GPR183: variants seen among roughly 807,000 people sequenced by gnomAD.
GPR183 encodes EBV-induced G-protein coupled receptor 2.
A neutral mutation model predicts 19.7 loss-of-function variants in GPR183; 9 were observed. That is an observed-to-expected ratio of 0.46 (90% CI 0.28 to 0.80). The LOEUF (loss-of-function observed/expected upper bound fraction) is 0.80. GPR183 is among the 30% of genes least tolerant of loss of function. The pLI is 0.13. For missense variants in GPR183, 368 were observed against 446.7 expected, an observed-to-expected ratio of 0.82 and a Z score of 1.59; for synonymous variants, 160 against 155.1, an observed-to-expected ratio of 1.03 and a Z score of -0.24.
intron 1 of GPR183, among the ~76,000 whole-genome samples, chr13:99,296,447 CA>C (rs2044174881): frequency 6.6e-6 from 1 of 152,190 alleles, no homozygotes; most frequent in Admixed American, 6.5e-5. Flanking sequence ...TTAAATAGGG[CA>C]AACGCACTTT....
At chr13:99,304,515 T>C (rs1298991571) in intron 1 of GPR183, among the ~76,000 whole-genome samples, 1 of 152,228 alleles carries the variant, frequency 6.6e-6, no homozygotes, top group African/African-American at 2.4e-5. Flanking sequence ...ATGATCGATA[T>C]TCAATAAATA....
chr13:99,306,785 G>A (rs2044343106), intron 1 of GPR183, among the ~76,000 whole-genome samples: 1 of 151,892 alleles, frequency 6.6e-6, no homozygotes, highest in Non-Finnish European at 1.5e-5. Context: ...CATTTAAAAA[G>A]CAAAGATTGG....
chr13:99,306,401 G>T (rs2044335870), intron 1 of GPR183, among the ~76,000 whole-genome samples: 1 of 151,662 alleles, frequency 6.6e-6, no homozygotes, highest in African/African-American at 2.4e-5. Flanking sequence ...GGTAACTTGT[G>T]TGTGGGGGGG....
Position 99,295,608 on chromosome 13 carries a change from T to A in GPR183, c.538A>T (p.Thr180Ser). 1 of 1,614,148 alleles carries A rather than the reference T, an allele frequency of 6.2e-7. No homozygotes were observed. Among genetic ancestry groups the A allele is most frequent in the Non-Finnish European group, 8.5e-7 (1 of 1,180,020 alleles). The change falls in exon 2 of 2, where the codon ACA becomes TCA. Residue 180 changes from threonine to serine, a missense_variant. By Grantham distance (58) the Thr-to-Ser change is moderately conservative. Coordinates refer to ENST00000376414, the MANE Select transcript of GPR183 (RefSeq NM_004951.5). The surrounding 1 kb of genome is among the most constrained non-coding windows in gnomAD (Gnocchi z 4.1). ...TCAAAGTTTGGATACTCCATGCATG[T>A]AATCCTTTCAGCCTCCTGCTTTGAC... Reference protein sequence around the residue: ...PMSKQEAERITCMEYPNFEET... With the variant: ...PMSKQEAERISCMEYPNFEET...
chr13:99,300,495 T>A (rs1347856169), intron 1 of GPR183, among the ~76,000 whole-genome samples: 1 of 152,256 alleles, frequency 6.6e-6, no homozygotes, highest in Non-Finnish European at 1.5e-5. Context: ...TATGCGTGAC[T>A]GTTACTATCC....
chr13:99,296,174 A>AG lies in GPR183; in HGVS notation c.-18-12_-18-11insC, dbSNP rs764864531. Reference sequence around the variant, plus strand: ...TGGTGGTCCAGGTGTCTAGAAAAAAACCAAGAAGGATCATATAAGTAAAAG... The same window carrying AG: ...TGGTGGTCCAGGTGTCTAGAAAAAAAGCCAAGAAGGATCATATAAGTAAAAG... On this transcript the variant is annotated splice_polypyrimidine_tract_variant and intron_variant, in intron 1 of 1. Transcript: ENST00000376414. The AG allele has an allele frequency of 6.5e-7, 1 of 1,536,842 alleles. No individual in the cohort carries two copies. Among genetic ancestry groups the AG allele is most frequent in the East Asian group, 2.3e-5 (1 of 43,958 alleles).
In GPR183 at chr13:99,294,712, A is replaced by G. The variant is rs575912761; in HGVS notation, c.*348T>C. ...TATGTTACAGTATTAACATCTGGCA[A>G]TATATAATCTATTCAGTCCTTTCTA... On this transcript the variant is annotated 3_prime_UTR_variant, in exon 2 of 2. Coordinates refer to ENST00000376414, the MANE Select transcript of GPR183 (RefSeq NM_004951.5). 5.8e-6 allele frequency: 1 copy of G among 171,428 alleles called. No homozygotes were observed. The highest frequency in any genetic ancestry group is 1.7e-4 in the East Asian group (1 of 6,048). 10.6% of individuals were successfully genotyped at this position (171,428 alleles called of 1,614,324 possible).
At chr13:99,302,934 T>C (rs2044277999) in intron 1 of GPR183, among the ~76,000 whole-genome samples, 2 of 152,240 alleles carry the variant, frequency 1.3e-5, no homozygotes, top group Admixed American at 1.3e-4. Flanking sequence ...ATGTCCATGA[T>C]TCATTTTTTA....
Position 99,302,529 on chromosome 13 carries a change from T to G in GPR183, c.-19+4811A>C, listed in dbSNP as rs2044270991. Among the ~76,000 whole-genome samples, 3 of 152,228 alleles carry G rather than the reference T, an allele frequency of 2.0e-5. No individual in the cohort carries two copies. In the South Asian group the frequency reaches 6.2e-4, roughly 31 times the overall value. ...ATTTGTCAATTATTTGAAAACGCCT[T>G]CTTGTTCAAACAGGGGCATCTAAAT... On this transcript the variant is annotated intron_variant, in intron 1 of 1. Transcript: ENST00000376414.
At chr13:99,305,427 C>T (rs2044319035) in intron 1 of GPR183, among the ~76,000 whole-genome samples, 1 of 152,182 alleles carries the variant, frequency 6.6e-6, no homozygotes, top group Non-Finnish European at 1.5e-5. Flanking sequence ...TTAACCATAG[C>T]AGAGAGAAAA....
chr13:99,301,095 A>G (rs1364636823), intron 1 of GPR183, among the ~76,000 whole-genome samples: 1 of 152,232 alleles, frequency 6.6e-6, no homozygotes, highest in South Asian at 2.1e-4. Flanking sequence ...GAACACTAAT[A>G]TCAGAATTAT....
At chr13:99,297,983 T>G (rs889150466) in intron 1 of GPR183, among the ~76,000 whole-genome samples, 1 of 152,050 alleles carries the variant, frequency 6.6e-6, no homozygotes, top group African/African-American at 2.4e-5. Flanking sequence ...AATTCAATAT[T>G]AATAGGAATA....
In GPR183 at chr13:99,296,160, G is replaced by T. The variant is rs546216959; in HGVS notation, c.-15C>A. The T allele has an allele frequency of 4.8e-5, 74 of 1,553,134 alleles. 1 individual carries two copies. The South Asian group carries it at 8.4e-4, about 18-fold the overall frequency. ...TGTATATCCATTGGTGGTGGTCCAG[G>T]TGTCTAGAAAAAAACCAAGAAGGAT... On this transcript the variant is annotated 5_prime_UTR_variant, in exon 2 of 2. Transcript: ENST00000376414.
At position 99,295,613 on chromosome 13, in the gene GPR183, C is replaced by T; in HGVS notation, c.533G>A (p.Arg178Lys). 2 of 1,614,102 alleles carry T rather than the reference C, an allele frequency of 1.2e-6. No homozygotes were observed. The highest frequency in any genetic ancestry group is 1.1e-5 in the South Asian group (1 of 91,086). Residue 178 changes from arginine to lysine, a missense_variant, in exon 2 of 2, where the codon AGG becomes AAG. Transcript: ENST00000376414. This position sits in a 1 kb window ranked among gnomAD's most constrained non-coding sequence, Gnocchi z 4.1. ...INPMSKQEAERITCMEYPNFE... is the reference protein window; with the variant it reads ...INPMSKQEAEKITCMEYPNFE... ...GTTTGGATACTCCATGCATGTAATC[C>T]TTTCAGCCTCCTGCTTTGACATAGG...
intron 1 of GPR183, among the ~76,000 whole-genome samples, chr13:99,302,864 G>T (rs1430479743): frequency 3.3e-5 from 5 of 152,116 alleles, no homozygotes; most frequent in Non-Finnish European, 7.3e-5. Flanking sequence ...ATACATCTTT[G>T]TACACTGTAA....
chr13:99,295,234 G>A lies in GPR183; in HGVS notation c.912C>T (p.Asp304=), dbSNP rs2044151269. 3 of 1,614,058 alleles carry A rather than the reference G, an allele frequency of 1.9e-6. No individual in the cohort carries two copies. The highest frequency in any genetic ancestry group is 2.7e-5 in the African/African-American group (2 of 75,016). The part of the protein sequence containing the change: ...VCLMNFNCCM[D]PFIYFFACKG... The stretch of plus-strand genomic sequence containing the variant: ...TACATGCAAAGAAGTAGATAAAAGG[G>A]TCCATGCAGCAATTGAAGTTCATCA... Residue 304 remains aspartate, a synonymous_variant, in exon 2 of 2, where the codon GAC becomes GAT. Coordinates refer to ENST00000376414, the MANE Select transcript of GPR183 (RefSeq NM_004951.5). This position sits in a 1 kb window ranked among gnomAD's most constrained non-coding sequence, Gnocchi z 4.1.
chr13:99,306,754 T>C (rs1243246512), intron 1 of GPR183, among the ~76,000 whole-genome samples: 1 of 152,170 alleles, frequency 6.6e-6, no homozygotes, highest in East Asian at 1.9e-4. Flanking sequence ...TTTTTTCACT[T>C]ATCTAATTAG....
rs1318269200 is a variant in GPR183, at chr13:99,296,034, A to G, written c.112T>C (p.Tyr38His). Residue 38 changes from tyrosine to histidine, a missense_variant, in exon 2 of 2, where the codon TAC becomes CAC. Transcript: ENST00000376414. Reference protein sequence around the residue: ...STARIVMPLHYSLVFIIGLVG... With the variant: ...STARIVMPLHHSLVFIIGLVG... ...AGCCCAATGATGAAGACGAGGCTGT[A>G]ATGCAGAGGCATTACTATCCTGGCC... 7 of 1,614,052 alleles carry G rather than the reference A, an allele frequency of 4.3e-6. No homozygotes were observed. Among genetic ancestry groups the G allele is most frequent in the Non-Finnish European group, 5.9e-6 (7 of 1,180,026 alleles).
intron 1 of GPR183, among the ~76,000 whole-genome samples, chr13:99,303,439 T>TA (rs1472394713): frequency 6.6e-6 from 1 of 152,232 alleles, no homozygotes. Flanking sequence ...CTTTCACTGG[T>TA]AAAAGCCACC....
Sources: gnomAD v4.1 joint callset for allele counts (sites outside exome capture counted in the v4.1 genomes callset) on GRCh38, gnomAD v4.1.1 for gene constraint, Gnocchi (gnomAD v3.1) non-coding constraint, MANE v1.5 for transcripts, NCBI Gene and HGNC (gene_info 2026-07-23, HGNC 2026-07-21) for gene names.